The following RYR3 variants were observed in gnomAD, a reference collection of about 807,000 sequenced individuals.
The protein encoded by RYR3 is ryanodine receptor 3.
A neutral mutation model predicts 584.3 loss-of-function variants in RYR3; 207 were observed. That is an observed-to-expected ratio of 0.35 (90% CI 0.32 to 0.40). The LOEUF (loss-of-function observed/expected upper bound fraction) is 0.40. Among genes scored for constraint, RYR3 ranks in the 10% least tolerant of loss-of-function variants. The probability of loss-of-function intolerance (pLI) is 1.00; values close to 1 mark genes in which losing one functional copy is unlikely to be tolerated. For synonymous variants in RYR3, 2,416 were observed against 2,248.5 expected (o/e 1.07, Z -2.11); for missense variants, 5,616 against 6,089.2 (o/e 0.92, Z 2.59).
intron 1 of RYR3, among the ~76,000 whole-genome samples, chr15:33,344,538 A>G (rs1393071283): frequency 6.6e-6 from 1 of 152,020 alleles, no homozygotes. Context: ...CATCTAGTTC[A>G]TATAGAAAAA....
At chr15:33,752,109 A>G (rs551204336) in intron 57 of RYR3, among the ~76,000 whole-genome samples, 2 of 152,270 alleles carry the variant, frequency 1.3e-5, no homozygotes, top group East Asian at 3.9e-4. Flanking sequence ...TGGTACCAGT[A>G]CCATGCTGTT....
Position 33,314,931 on chromosome 15 carries a change from A to AAC in RYR3, c.51+3836_51+3837insCA, listed in dbSNP as rs1555423605. Among the ~76,000 whole-genome samples, 33 of 99,336 alleles carry AAC rather than the reference A, an allele frequency of 3.3e-4. 1 individual carries two copies. Among genetic ancestry groups the AAC allele is most frequent in the African/African-American group, 1.2e-3 (31 of 26,070 alleles). 65.2% of individuals were successfully genotyped at this position (99,336 alleles called of 152,430 possible). On this transcript the variant is annotated intron_variant, in intron 1 of 103. Transcript: ENST00000634891. ...TCAGTCTCAAAGAAAACAAACAACAAAAAAAAAAACCAAAAAAAAACAACA... is the reference window on the plus strand; with the variant it reads ...TCAGTCTCAAAGAAAACAAACAACAAACAAAAAAAAACCAAAAAAAAACAACA...
intron 1 of RYR3, among the ~76,000 whole-genome samples, chr15:33,467,185 T>TATGG (rs1413547221): frequency 6.6e-6 from 1 of 152,254 alleles, no homozygotes. Flanking sequence ...AATACATCAT[T>TATGG]ATGGATTTTC....
chr15:33,508,766 C>T (rs1446064522), intron 3 of RYR3, among the ~76,000 whole-genome samples: 2 of 152,224 alleles, frequency 1.3e-5, no homozygotes, highest in Admixed American at 6.5e-5. Flanking sequence ...CCCCGTATTA[C>T]TTGTGTGATT....
chr15:33,421,158 G>T (rs370275951), intron 1 of RYR3, among the ~76,000 whole-genome samples: 2 of 152,128 alleles, frequency 1.3e-5, no homozygotes, highest in Non-Finnish European at 2.9e-5. Context: ...GAGGAGAAAC[G>T]GAATGAAGCT....
intron 1 of RYR3, among the ~76,000 whole-genome samples, chr15:33,336,436 AAGAAAGAG>A (rs1272906190): frequency 3.4e-4 from 6 of 17,524 alleles, no homozygotes; most frequent in South Asian, 2.3e-3. Flanking sequence ...GAAAGAAAGA[AAGAAAGAG>A]AGAGAGAGAG....
At chr15:33,854,491 T>G in intron 97 of RYR3, 42 bp downstream of exon 97, 1 of 1,485,456 alleles carries the variant, frequency 6.7e-7, no homozygotes. Flanking sequence ...ATACCCCAGT[T>G]CAGGGATGCC....
rs531427897 is a variant in RYR3 at position 33,429,181 on chromosome 15, T to C, written c.52-44238T>C. The stretch of plus-strand genomic sequence containing the variant: ...CTGGGAGGGATCTTTCAACTGTGTC[T>C]GAGCAATTTTAAGAGTTGTTCCACC... On this transcript the variant is annotated intron_variant, in intron 1 of 103. Coordinates refer to ENST00000634891, the MANE Select transcript of RYR3 (RefSeq NM_001036.6). Among the ~76,000 whole-genome samples, 9 of 152,318 alleles carry C rather than the reference T, an allele frequency of 5.9e-5. 1 individual carries two copies. The South Asian group carries it at 1.9e-3, about 32-fold the overall frequency.
rs184566154 is a variant in RYR3, at chr15:33,686,649, C to A, written c.5861-9569C>A. Among the ~76,000 whole-genome samples the A allele has an allele frequency of 4.7e-3, 715 of 152,302 alleles. 5 individuals are homozygous for A. The highest frequency in any genetic ancestry group is 0.024 in the Middle Eastern group (7 of 294). On this transcript the variant is annotated intron_variant, in intron 38 of 103. Coordinates refer to ENST00000634891, the MANE Select transcript of RYR3 (RefSeq NM_001036.6). ...AAAAGAGAACTTTAGACCAATACCC[C>A]TGATGAACACTGATGCCAACATCCT...
chr15:33,344,126 T>C (rs984897360), intron 1 of RYR3, among the ~76,000 whole-genome samples: 4 of 152,230 alleles, frequency 2.6e-5, no homozygotes, highest in Non-Finnish European at 4.4e-5. Flanking sequence ...AGTAATGAGA[T>C]GCAATCTGTC....
intron 98 of RYR3, chr15:33,856,670 GT>G: frequency 6.4e-6 from 1 of 156,570 alleles, no homozygotes; most frequent in Non-Finnish European, 1.4e-5. Flanking sequence ...TTGTTTGTTT[GT>G]TTTTTTGAGA....
chr15:33,344,317 A>G (rs10519812), intron 1 of RYR3, among the ~76,000 whole-genome samples: 11,972 of 152,248 alleles, frequency 0.079, 551 homozygotes, highest in Middle Eastern at 0.11. Flanking sequence ...GGGTTGAGTC[A>G]TGAAAAGTAA....
intron 21 of RYR3, among the ~76,000 whole-genome samples, chr15:33,629,736 C>T (rs1469345671): frequency 6.6e-6 from 1 of 152,214 alleles, no homozygotes; most frequent in African/African-American, 2.4e-5. Context: ...AATAAATCCA[C>T]GGAGCACAAA....
intron 16 of RYR3, among the ~76,000 whole-genome samples, chr15:33,596,951 G>A (rs1040004524): frequency 2.1e-4 from 32 of 151,892 alleles, no homozygotes; most frequent in African/African-American, 6.5e-4. Flanking sequence ...AACATAGTTT[G>A]TAGTTTAGCT....
chr15:33,437,117 AGTGTGTGTGTGTGTGTGT>A lies in RYR3; in HGVS notation c.52-36280_52-36263del, dbSNP rs71415518. ...GAGTGTGTGTGAGAGAGAGAGATAG[AGTGTGTGTGTGTGTGTGT>A]GTGTGTGTGTGTGTGTGTGTGAAAA... On this transcript the variant is annotated intron_variant, in intron 1 of 103. Coordinates refer to ENST00000634891, the MANE Select transcript of RYR3 (RefSeq NM_001036.6). Among the ~76,000 whole-genome samples, 181 of 149,564 alleles carry A rather than the reference AGTGTGTGTGTGTGTGTGT, an allele frequency of 1.2e-3. 1 individual carries two copies. The highest frequency in any genetic ancestry group is 3.4e-3 in the African/African-American group (140 of 40,910).
At chr15:33,361,571 G>T (rs919097385) in intron 1 of RYR3, among the ~76,000 whole-genome samples, 12 of 152,294 alleles carry the variant, frequency 7.9e-5, no homozygotes, top group African/African-American at 2.9e-4. Flanking sequence ...TGCAAGGATT[G>T]CAGGTACCTG....
chr15:33,573,473 A>C (rs2058140002), intron 12 of RYR3, among the ~76,000 whole-genome samples: 1 of 152,218 alleles, frequency 6.6e-6, no homozygotes, highest in South Asian at 2.1e-4. Context: ...ATGCTATCTC[A>C]TCATCCTCTG....
chr15:33,674,597 A>G (rs1051203443), intron 38 of RYR3, among the ~76,000 whole-genome samples: 7 of 152,332 alleles, frequency 4.6e-5, no homozygotes, highest in African/African-American at 1.4e-4. Context: ...GCTCATAAAA[A>G]AGAAGAAAAC....
At chr15:33,698,171 A>G (rs2065997660) in intron 40 of RYR3, among the ~76,000 whole-genome samples, 175 bp downstream of exon 40, 1 of 152,300 alleles carries the variant, frequency 6.6e-6, no homozygotes, top group African/African-American at 2.4e-5. Context: ...GCTGGACGGA[A>G]TCCCATTGTG....
Sources: allele counts gnomAD v4.1 joint callset (sites outside exome capture counted in the v4.1 genomes callset), GRCh38; gene constraint gnomAD v4.1.1; transcripts MANE v1.5; gene names NCBI Gene and HGNC (gene_info 2026-07-23, HGNC 2026-07-21).